The following NR5A2 variants were observed in gnomAD, a reference collection of about 807,000 sequenced individuals.
The protein encoded by NR5A2 is CYP7A promoter-binding factor.
A neutral mutation model predicts 62.7 loss-of-function variants in NR5A2; 26 were observed. The ratio of observed to expected loss-of-function variants is 0.41; its 90% CI spans 0.30 to 0.58. The LOEUF (loss-of-function observed/expected upper bound fraction) is 0.58. NR5A2 is among the 20% of genes least tolerant of loss of function. The probability of loss-of-function intolerance (pLI) is 0.22; values close to 1 mark genes in which losing one functional copy is unlikely to be tolerated. For missense variants in NR5A2, 541 were observed against 669.1 expected, an observed-to-expected ratio of 0.81 and a Z score of 2.11; for synonymous variants, 246 against 241.7, an observed-to-expected ratio of 1.02 and a Z score of -0.16.
intron 7 of NR5A2, among the ~76,000 whole-genome samples, chr1:200,127,639 T>C (rs1348802693): frequency 1.6e-5 from 2 of 128,522 alleles, no homozygotes; most frequent in African/African-American, 5.9e-5. Context: ...ATTGTGCCAT[T>C]GCACTCCAGC....
chr1:200,109,771 A>G (rs1472753814), intron 5 of NR5A2, among the ~76,000 whole-genome samples: 1 of 152,042 alleles, frequency 6.6e-6, no homozygotes, highest in East Asian at 1.9e-4. Context: ...GGAGAATGAG[A>G]ATTCTTATTT....
At chr1:200,152,712 G>A (rs1653187205) in intron 7 of NR5A2, among the ~76,000 whole-genome samples, 1 of 151,952 alleles carries the variant, frequency 6.6e-6, no homozygotes. Flanking sequence ...CAACTTTTGT[G>A]GATTTTTTTT....
chr1:200,070,212 T>C (rs1663674063), intron 5 of NR5A2, among the ~76,000 whole-genome samples: 1 of 152,304 alleles, frequency 6.6e-6, no homozygotes, highest in South Asian at 2.1e-4. Context: ...GTTAGTTAAA[T>C]GAATGGATGG....
chr1:200,142,701 A>G (rs1667501734), intron 7 of NR5A2, among the ~76,000 whole-genome samples: 1 of 152,054 alleles, frequency 6.6e-6, no homozygotes, highest in Non-Finnish European at 1.5e-5. Context: ...TCTTGCTTTA[A>G]AGATTTCTAA....
intron 7 of NR5A2, among the ~76,000 whole-genome samples, chr1:200,172,537 C>A (rs1337265952): frequency 6.6e-6 from 1 of 152,176 alleles, no homozygotes; most frequent in African/African-American, 2.4e-5. Context: ...CAACTCACTA[C>A]ATAACTATTT....
chr1:200,028,268 A>C (rs1348815608), intron 1 of NR5A2, among the ~76,000 whole-genome samples: 1 of 152,168 alleles, frequency 6.6e-6, no homozygotes, highest in African/African-American at 2.4e-5. Context: ...GAAACAAGTT[A>C]ATCATATTGA....
intron 7 of NR5A2, among the ~76,000 whole-genome samples, chr1:200,126,315 T>C (rs1459884330): frequency 6.6e-6 from 1 of 152,196 alleles, no homozygotes. Flanking sequence ...CTCTTTTTAT[T>C]CTTTTATTTT....
At chr1:200,157,089 G>GT (rs2102373647) in intron 7 of NR5A2, among the ~76,000 whole-genome samples, 1 of 152,266 alleles carries the variant, frequency 6.6e-6, no homozygotes, top group East Asian at 1.9e-4. Context: ...GTTCAATTAA[G>GT]TCATCATTGC....
intron 7 of NR5A2, among the ~76,000 whole-genome samples, chr1:200,166,705 C>T (rs1653920064): frequency 6.6e-6 from 1 of 152,150 alleles, no homozygotes; most frequent in Admixed American, 6.5e-5. Flanking sequence ...GTAGAGCATA[C>T]AAGGACTTTA....
At chr1:200,062,913 A>G (rs1041877723) in intron 5 of NR5A2, among the ~76,000 whole-genome samples, 2 of 152,178 alleles carry the variant, frequency 1.3e-5, no homozygotes, top group African/African-American at 4.8e-5. Context: ...TGGCATGTAA[A>G]TTAAGGTGGG....
chr1:200,057,989 G>A (rs1186097810), intron 5 of NR5A2: 1 of 152,592 alleles, frequency 6.6e-6, no homozygotes, highest in Non-Finnish European at 1.5e-5. Flanking sequence ...GTAGAAACAA[G>A]GTTTCACCAT....
At position 200,146,086 on chromosome 1, in the gene NR5A2, C is replaced by T. The variant is rs140075611; in HGVS notation, c.1378+25131C>T. ...GTAAATGAAATAAAATTATAGGATT[C>T]CTAAATATTAAAGACTACTAAGTAC... is the stretch of plus-strand genomic sequence containing the variant. On this transcript the variant is annotated intron_variant, in intron 7 of 7. Transcript: ENST00000367362. Among the ~76,000 whole-genome samples the T allele has an allele frequency of 1.1e-3, 170 of 152,034 alleles. 2 individuals are homozygous for T. In the East Asian group the frequency reaches 0.022, roughly 20 times the overall value.
chr1:200,084,557 A>T (rs1193406372), intron 5 of NR5A2, among the ~76,000 whole-genome samples: 2 of 152,338 alleles, frequency 1.3e-5, no homozygotes, highest in East Asian at 3.9e-4. Context: ...ACTTACTAGA[A>T]TCTCTAAGAA....
In NR5A2 at chr1:200,109,614, ATCACTACTAAT is replaced by A. The variant is rs1405806517; in HGVS notation, c.1111-1587_1111-1577del. 5.9e-5 allele frequency among the ~76,000 whole-genome samples: 9 copies of A among 152,354 alleles called. No homozygotes were observed. The East Asian group carries it at 1.7e-3, about 29-fold the overall frequency. Reference sequence around the variant, plus strand: ...GAAATAAAGTTAGCCAGAAACTCTTATCACTACTAATATATCAGTGACAGCTATTCAGAGTC... The same window carrying A: ...GAAATAAAGTTAGCCAGAAACTCTTAATATCAGTGACAGCTATTCAGAGTC... On this transcript the variant is annotated intron_variant, in intron 5 of 7. Transcript: ENST00000367362.
intron 5 of NR5A2, among the ~76,000 whole-genome samples, chr1:200,067,382 C>A (rs983139773): frequency 6.6e-6 from 1 of 152,202 alleles, no homozygotes; most frequent in Non-Finnish European, 1.5e-5. Context: ...CATGGAGAAA[C>A]CCCGTCTCTA....
chr1:200,117,312 A>T (rs1290082223), intron 6 of NR5A2, among the ~76,000 whole-genome samples: 1 of 152,228 alleles, frequency 6.6e-6, no homozygotes, highest in East Asian at 1.9e-4. Context: ...TTTCAAGAAT[A>T]AATCACCTAT....
chr1:200,141,257 C>T (rs1415384003), intron 7 of NR5A2, among the ~76,000 whole-genome samples: 1 of 152,126 alleles, frequency 6.6e-6, no homozygotes, highest in East Asian at 1.9e-4. Flanking sequence ...TTTGCGCTAG[C>T]CCTTTTATAG....
At chr1:200,144,221 TCTCTCTCTCTCTCACACACACACACA>T (rs1296228717) in intron 7 of NR5A2, among the ~76,000 whole-genome samples, 2 of 39,034 alleles carry the variant, frequency 5.1e-5, no homozygotes, top group Non-Finnish European at 1.2e-4. Flanking sequence ...TGTTTCTCTC[TCTCTCTCTCTCTCACACACACACACA>T]CACACACACA....
At chr1:200,066,957 G>T (rs1239379196) in intron 5 of NR5A2, among the ~76,000 whole-genome samples, 1 of 152,182 alleles carries the variant, frequency 6.6e-6, no homozygotes, top group African/African-American at 2.4e-5. Context: ...TGCATCACGT[G>T]TCATTCCCTG....
Sources: allele counts gnomAD v4.1 joint callset (sites outside exome capture counted in the v4.1 genomes callset), GRCh38; gene constraint gnomAD v4.1.1; transcripts MANE v1.5; gene names NCBI Gene and HGNC (gene_info 2026-07-23, HGNC 2026-07-21).